MIPOL1: variants seen among roughly 807,000 people sequenced by gnomAD.
MIPOL1 encodes the protein mirror-image polydactyly 1.
In MIPOL1, 57 loss-of-function variants were observed where a neutral mutation model predicts 60.9. The observed-to-expected ratio is 0.94, with a 90% CI of 0.76 to 1.17. MIPOL1 has a LOEUF of 1.17. MIPOL1 is among the 50% of genes most tolerant of loss of function. MIPOL1 has a pLI of 0.00. For synonymous variants in MIPOL1, 179 were observed against 168.8 expected (o/e 1.06, Z -0.47); for missense variants, 551 against 511.6 (o/e 1.08, Z -0.74).
chr14:37,211,553 A>G (rs1966843878), intron 1 of MIPOL1, among the ~76,000 whole-genome samples: 1 of 152,176 alleles, frequency 6.6e-6, no homozygotes, highest in African/African-American at 2.4e-5. Flanking sequence ...TGCTGATCCC[A>G]GTGGTCCAAA....
chr14:37,306,115 G>A (rs2086768986), intron 7 of MIPOL1, among the ~76,000 whole-genome samples: 1 of 151,730 alleles, frequency 6.6e-6, no homozygotes, highest in Non-Finnish European at 1.5e-5. Context: ...TTTAATATTA[G>A]ACTAAATACA....
chr14:37,262,027 C>T (rs1038162491), intron 3 of MIPOL1, among the ~76,000 whole-genome samples: 1 of 142,742 alleles, frequency 7.0e-6, no homozygotes, highest in African/African-American at 2.5e-5. Context: ...ATAGAAGTTC[C>T]TGATAATGTT....
At chr14:37,297,764 C>T (rs890409464) in intron 7 of MIPOL1, among the ~76,000 whole-genome samples, 1 of 151,894 alleles carries the variant, frequency 6.6e-6, no homozygotes, top group Admixed American at 6.6e-5. Context: ...TGAAGGACTT[C>T]TTCAAGGAGA....
chr14:37,351,428 A>G (rs1168101946), intron 9 of MIPOL1, among the ~76,000 whole-genome samples: 2 of 151,632 alleles, frequency 1.3e-5, no homozygotes, highest in African/African-American at 4.8e-5. Context: ...ATACCCAGTA[A>G]TGGGATGGCT....
At chr14:37,473,172 A>G (rs2094715046) in intron 11 of MIPOL1, among the ~76,000 whole-genome samples, 1 of 151,732 alleles carries the variant, frequency 6.6e-6, no homozygotes. Context: ...TTACCACTCT[A>G]TTTGTTCTTT....
chr14:37,370,479 T>C (rs1478813727), intron 10 of MIPOL1, among the ~76,000 whole-genome samples: 3 of 152,194 alleles, frequency 2.0e-5, no homozygotes, highest in African/African-American at 7.2e-5. Flanking sequence ...ATATTCTACT[T>C]TGCTGTCTTA....
chr14:37,513,552 G>A (rs537994387), intron 12 of MIPOL1, among the ~76,000 whole-genome samples: 2 of 152,188 alleles, frequency 1.3e-5, no homozygotes, highest in Non-Finnish European at 2.9e-5. Context: ...AGGATTGTTA[G>A]GATTGGCGCC....
rs1035636360 is a variant in MIPOL1, at chr14:37,249,137, C to G, written c.19+1230C>G. On this transcript the variant is annotated intron_variant, in intron 3 of 12. Coordinates refer to ENST00000684589, the MANE Select transcript of MIPOL1 (RefSeq NM_001388067.1). ...AATTTGGAATCCTTGGGAAATGATT[C>G]TTTCTGAATGTGATATTACATATAT... is the stretch of plus-strand genomic sequence containing the variant. 4.0e-4 allele frequency among the ~76,000 whole-genome samples: 61 copies of G among 152,112 alleles called. 1 individual carries two copies. The highest frequency in any genetic ancestry group is 1.0e-4 in the Non-Finnish European group (7 of 68,008).
intron 10 of MIPOL1, among the ~76,000 whole-genome samples, chr14:37,402,495 G>A (rs1164301345): frequency 6.6e-6 from 1 of 152,178 alleles, no homozygotes; most frequent in African/African-American, 2.4e-5. Flanking sequence ...GGGCATCTGT[G>A]TTATGGATGA....
rs1423313785 is a variant in MIPOL1 at position 37,301,095 on chromosome 14, A to G, written c.624-6961A>G. Among the ~76,000 whole-genome samples, 15 of 9,860 alleles carry G rather than the reference A, an allele frequency of 1.5e-3. 6 individuals are homozygous for G. Among genetic ancestry groups the G allele is most frequent in the Admixed American group, 9.8e-3 (4 of 408 alleles). The allele number at this position is 9,860 out of a possible 152,430, so 6.5% of individuals were successfully genotyped here. A position where few individuals can be genotyped will look rare whatever the true frequency, so the allele number is the denominator to read the frequency against. On this transcript the variant is annotated intron_variant, in intron 7 of 12. Transcript: ENST00000684589. ...TCTTATACTATATATATGTGTGTGT[A>G]TATGTATATGTGTGTGTGTATATAT... is the stretch of plus-strand genomic sequence containing the variant.
At chr14:37,326,963 G>GAA (rs546993820) in intron 9 of MIPOL1, among the ~76,000 whole-genome samples, 111 of 150,350 alleles carry the variant, frequency 7.4e-4, no homozygotes, top group African/African-American at 2.7e-3. Flanking sequence ...AGCAGAAAAT[G>GAA]AAAAAAAAAC....
At position 37,318,401 on chromosome 14, in the gene MIPOL1, A is replaced by T. The variant is rs563381143; in HGVS notation, c.828+9882A>T. On this transcript the variant is annotated intron_variant, in intron 9 of 12. Coordinates refer to ENST00000684589, the MANE Select transcript of MIPOL1 (RefSeq NM_001388067.1). ...TAGAGTTATGTTTTTCAGGAAAAGT[A>T]GGGAACATATTTGATATTCTTAATT... Among the ~76,000 whole-genome samples the T allele has an allele frequency of 6.6e-5, 10 of 152,348 alleles. No homozygotes were observed. In the East Asian group the frequency reaches 1.9e-3, roughly 29 times the overall value.
intron 11 of MIPOL1, among the ~76,000 whole-genome samples, chr14:37,435,266 G>C (rs2094145885): frequency 6.6e-6 from 1 of 151,978 alleles, no homozygotes; most frequent in African/African-American, 2.4e-5. Context: ...AAATATTCTA[G>C]GTGTGCTCCC....
At chr14:37,358,565 A>G (rs930799568) in intron 9 of MIPOL1, among the ~76,000 whole-genome samples, 6 of 152,074 alleles carry the variant, frequency 3.9e-5, no homozygotes, top group African/African-American at 1.2e-4. Context: ...TGTGGTTTTG[A>G]TTTGCATTTC....
intron 1 of MIPOL1, among the ~76,000 whole-genome samples, chr14:37,239,349 T>C (rs1388007768): frequency 6.6e-6 from 1 of 152,134 alleles, no homozygotes; most frequent in African/African-American, 2.4e-5. Flanking sequence ...CTGGCCTGCT[T>C]AATTTACTTA....
intron 9 of MIPOL1, among the ~76,000 whole-genome samples, chr14:37,348,140 C>T (rs1005101915): frequency 2.6e-5 from 4 of 152,098 alleles, no homozygotes; most frequent in African/African-American, 9.7e-5. Flanking sequence ...TGTTTAGCCC[C>T]CTACTGATAA....
chr14:37,390,559 G>GA (rs2093209456), intron 10 of MIPOL1, among the ~76,000 whole-genome samples: 1 of 151,830 alleles, frequency 6.6e-6, no homozygotes, highest in African/African-American at 2.4e-5. Context: ...AGAAATAAGA[G>GA]AAAATAAATG....
chr14:37,299,107 C>G (rs1381534079), intron 7 of MIPOL1, among the ~76,000 whole-genome samples: 1 of 152,136 alleles, frequency 6.6e-6, no homozygotes, highest in Non-Finnish European at 1.5e-5. Flanking sequence ...GCATGGAATA[C>G]TCTGCAGCCA....
intron 11 of MIPOL1, among the ~76,000 whole-genome samples, chr14:37,485,949 G>A (rs1442527214): frequency 2.0e-5 from 3 of 152,104 alleles, no homozygotes; most frequent in African/African-American, 4.8e-5. Flanking sequence ...TTCTTCTAGG[G>A]TTTTTATGGT....
Sources: allele counts gnomAD v4.1 joint callset (sites outside exome capture counted in the v4.1 genomes callset), GRCh38; gene constraint gnomAD v4.1.1; transcripts MANE v1.5; gene names NCBI Gene and HGNC (gene_info 2026-07-23, HGNC 2026-07-21).